PEAK1: variants seen among roughly 807,000 people sequenced by gnomAD.
The protein encoded by PEAK1 is inactive tyrosine-protein kinase PEAK1.
A neutral mutation model predicts 124.7 loss-of-function variants in PEAK1; 54 were observed. The observed-to-expected ratio is 0.43, with a 90% CI of 0.35 to 0.54. PEAK1 has a LOEUF of 0.54. Ranked by LOEUF, PEAK1 falls within the 20% of genes least tolerant of loss-of-function variation. The pLI is 0.01. For synonymous variants in PEAK1, 719 were observed against 760.0 expected, an observed-to-expected ratio of 0.95 and a Z score of 0.89; for missense variants, 2,046 against 2,134.5, an observed-to-expected ratio of 0.96 and a Z score of 0.82.
chr15:77,385,885 A>C (rs1038113110), intron 1 of PEAK1, among the ~76,000 whole-genome samples: 1 of 152,220 alleles, frequency 6.6e-6, no homozygotes, highest in Non-Finnish European at 1.5e-5. Context: ...GAATATATGA[A>C]GAAGGAAGGA....
chr15:77,420,595 G>A (rs1390364227), upstream of PEAK1: 3 of 335,882 alleles, frequency 8.9e-6, no homozygotes, highest in Non-Finnish European at 1.6e-5. Flanking sequence ...ACCAATTTCA[G>A]TTCTTCTACT....
rs398028029 is a variant in PEAK1 at position 77,247,485 on chromosome 15, C to CTTTTTTTTTTT, written c.-115+4871_-115+4881dup. 6.9e-3 allele frequency among the ~76,000 whole-genome samples: 580 copies of CTTTTTTTTTTT among 84,308 alleles called. 4 individuals carry two copies. Among genetic ancestry groups the CTTTTTTTTTTT allele is most frequent in the Middle Eastern group, 0.011 (1 of 94 alleles). The allele number at this position is 84,308 out of a possible 152,430, so 55.3% of individuals were successfully genotyped here. ...TTTTTTCTCTTTTTTCTTTTCTTTTCTTTTTTTTTTTTTTTTTTTTTGAGA... is the reference window on the plus strand; with the variant it reads ...TTTTTTCTCTTTTTTCTTTTCTTTTCTTTTTTTTTTTTTTTTTTTTTTTTTTTTTTTTGAGA... On this transcript the variant is annotated intron_variant, in intron 6 of 9. Transcript: ENST00000682557.
At chr15:77,261,682 T>C (rs1421413489) in intron 5 of PEAK1, among the ~76,000 whole-genome samples, 1 of 152,098 alleles carries the variant, frequency 6.6e-6, no homozygotes, top group African/African-American at 2.4e-5. Flanking sequence ...TGGAAAACAC[T>C]CTGCAGGATA....
At chr15:77,273,403 T>C (rs2152957001) in intron 5 of PEAK1, among the ~76,000 whole-genome samples, 1 of 152,224 alleles carries the variant, frequency 6.6e-6, no homozygotes, top group Non-Finnish European at 1.5e-5. Context: ...AACTAGTAAA[T>C]GAATTCAGCA....
rs2051254502 is a variant in PEAK1, at chr15:77,115,205, C to T, written c.4192G>A (p.Val1398Ile). 3.7e-6 allele frequency: 6 copies of T among 1,614,196 alleles called. No individual in the cohort carries two copies. Among genetic ancestry groups the T allele is most frequent in the Non-Finnish European group, 5.1e-6 (6 of 1,180,036 alleles). ...TCCCAGGGAAGCAGACGGTTAGGGA[C>T]TTCAGCAAGGAAATGACCACAGTCC... Reference protein sequence around the residue: ...QQDCGHFLAEVPNRLLPWEDP... With the variant: ...QQDCGHFLAEIPNRLLPWEDP... The change falls in exon 10 of 10, where the codon GTC becomes ATC. Residue 1398 changes from valine to isoleucine, a missense_variant. Coordinates refer to ENST00000682557, the MANE Select transcript of PEAK1 (RefSeq NM_001385026.1).
At chr15:77,172,864 C>T (rs917254083) in intron 7 of PEAK1, among the ~76,000 whole-genome samples, 1 of 152,070 alleles carries the variant, frequency 6.6e-6, no homozygotes, top group Non-Finnish European at 1.5e-5. Context: ...ACGATCCTTC[C>T]ACCTCAGCCT....
chr15:77,154,485 A>G (rs2054943780), intron 8 of PEAK1, among the ~76,000 whole-genome samples: 1 of 152,158 alleles, frequency 6.6e-6, no homozygotes, highest in Admixed American at 6.5e-5. Context: ...GCCCATTTAT[A>G]TTTAAAGTTA....
At chr15:77,325,936 A>G (rs1317073437) in intron 2 of PEAK1, among the ~76,000 whole-genome samples, 3 of 152,160 alleles carry the variant, frequency 2.0e-5, no homozygotes, top group Non-Finnish European at 4.4e-5. Flanking sequence ...ATGTAAGGTG[A>G]CCATATAAAT....
chr15:77,176,495 C>A (rs940419191), intron 7 of PEAK1, among the ~76,000 whole-genome samples: 1 of 152,112 alleles, frequency 6.6e-6, no homozygotes, highest in African/African-American at 2.4e-5. Context: ...CCCAGACCTA[C>A]TGAATAAAAA....
chr15:77,383,533 A>G (rs1417022023), intron 1 of PEAK1, among the ~76,000 whole-genome samples: 1 of 152,244 alleles, frequency 6.6e-6, no homozygotes, highest in African/African-American at 2.4e-5. Context: ...CTAGGGATTC[A>G]GACTGGGGAC....
chr15:77,370,646 C>T (rs1347822749), intron 1 of PEAK1: 23 of 963,254 alleles, frequency 2.4e-5, no homozygotes, highest in Non-Finnish European at 2.8e-5. Flanking sequence ...TACCAAAACC[C>T]ACAGATTTAA....
At chr15:77,100,777 G>A (rs1017330268) in exon 7 of PEAK1, 3 of 152,098 alleles carry the variant, frequency 2.0e-5, no homozygotes, top group Non-Finnish European at 2.9e-5. Flanking sequence ...AAGGACACTC[G>A]GCCCACTCAA....
intron 1 of PEAK1, among the ~76,000 whole-genome samples, chr15:77,376,772 A>C (rs1157022038): frequency 6.6e-6 from 1 of 152,218 alleles, no homozygotes; most frequent in Admixed American, 6.5e-5. Flanking sequence ...CTTCACAAAG[A>C]TTGTTCCATT....
At chr15:77,337,497 G>T in intron 2 of PEAK1, 1 of 984,680 alleles carries the variant, frequency 1.0e-6, no homozygotes, top group Non-Finnish European at 1.2e-6. Context: ...TCATCATCCT[G>T]ACATACAAAG....
chr15:77,179,142 T>C lies in PEAK1; in HGVS notation c.2785A>G (p.Lys929Glu). ...DAKPKRWISF[K>E]SFFRRRKTDE... ...GTTTTCCGACGGCGGAAGAAGCTTT[T>C]AAATGATATCCAGCGCTTAGGTTTT... The change falls in exon 7 of 10, where the codon AAA becomes GAA. Residue 929 changes from lysine to glutamate, a missense_variant. Physicochemically the swap from Lys to Glu is moderately conservative, Grantham distance 56. Transcript: ENST00000682557. 1.9e-6 allele frequency: 3 copies of C among 1,614,188 alleles called. No homozygotes were observed. The highest frequency in any genetic ancestry group is 2.5e-6 in the Non-Finnish European group (3 of 1,180,036).
intron 6 of PEAK1, chr15:77,239,884 T>A (rs2060279806): frequency 1.0e-6 from 1 of 978,580 alleles, no homozygotes; most frequent in Non-Finnish European, 1.2e-6. Flanking sequence ...TTTGAGAGAG[T>A]AAAATCTGTC....
At chr15:77,336,191 T>C in intron 2 of PEAK1, 1 of 985,376 alleles carries the variant, frequency 1.0e-6, no homozygotes, top group Non-Finnish European at 1.2e-6. Flanking sequence ...ACCACAGAGC[T>C]TCAGGGGCAG....
At chr15:77,163,046 C>T (rs563756832) in intron 7 of PEAK1, among the ~76,000 whole-genome samples, 8 of 152,192 alleles carry the variant, frequency 5.3e-5, no homozygotes, top group Non-Finnish European at 8.8e-5. Flanking sequence ...TGAAACACTC[C>T]TACTTCCGTA....
chr15:77,103,815 A>T (rs1423727199), downstream of PEAK1: 1 of 152,212 alleles, frequency 6.6e-6, no homozygotes, highest in Non-Finnish European at 1.5e-5. Context: ...TTGAGAGGAA[A>T]TGTCTCAAAG....
Sources: gnomAD v4.1 joint callset for allele counts (sites outside exome capture counted in the v4.1 genomes callset) on GRCh38, gnomAD v4.1.1 for gene constraint, MANE v1.5 for transcripts, NCBI Gene and HGNC (gene_info 2026-07-23, HGNC 2026-07-21) for gene names.